Variants in PDE8B observed in about 807,000 individuals in gnomAD.
PDE8B encodes the protein phosphodiesterase 8B.
PDE8B carries 26 observed loss-of-function variants against 101.3 expected under a neutral mutation model. The ratio of observed to expected loss-of-function variants is 0.26; its 90% confidence interval spans 0.19 to 0.36. The LOEUF is 0.36. Ranked by LOEUF, PDE8B falls within the 10% of genes least tolerant of loss-of-function variation. The pLI is 1.00. For synonymous variants in PDE8B, 424 were observed against 429.3 expected (o/e 0.99, Z 0.15); for missense variants, 810 against 1,163.1 (o/e 0.70, Z 4.42).
the PDE8B span, among the ~76,000 whole-genome samples, chr5:77,172,099 A>G: frequency 3.3e-5 from 5 of 152,352 alleles, no homozygotes; most frequent in African/African-American, 1.2e-4. Context: ...TATTAAAAAA[A>G]GAAAGGGAGT....
At chr5:77,155,827 A>G in the PDE8B span, among the ~76,000 whole-genome samples, 2 of 152,228 alleles carry the variant, frequency 1.3e-5, no homozygotes, top group Non-Finnish European at 2.9e-5. Flanking sequence ...TTGCTATACC[A>G]CTAGGCTGGT....
chr5:77,192,004 C>T, the PDE8B span, among the ~76,000 whole-genome samples: 3 of 152,148 alleles, frequency 2.0e-5, no homozygotes, highest in Non-Finnish European at 4.4e-5. Flanking sequence ...AGGGTTCGCA[C>T]TTCTATGAGA....
chr5:77,375,800 A>G (rs111236146), intron 10 of PDE8B, among the ~76,000 whole-genome samples: 2,159 of 152,228 alleles, frequency 0.014, 29 homozygotes, highest in Non-Finnish European at 0.022. Context: ...CATATACTTT[A>G]AAAAAATTAT....
chr5:77,427,780 C>G lies in PDE8B; in HGVS notation c.*1226C>G, dbSNP rs1387643807. ...ACTCGAGATTTTCCTTTCTCTTTTA[C>G]CAGCTGATCCTTCCTATGTATTATA... On this transcript the variant is annotated 3_prime_UTR_variant, in exon 22 of 22. Transcript: ENST00000264917. 1 of 152,174 alleles carries G rather than the reference C, an allele frequency of 6.6e-6. No homozygotes were observed. The highest frequency in any genetic ancestry group is 1.5e-5 in the Non-Finnish European group (1 of 68,028). 9.4% of individuals were successfully genotyped at this position (152,174 alleles called of 1,614,324 possible). A position where few individuals can be genotyped will look rare whatever the true frequency, so the allele number is the denominator to read the frequency against.
intron 5 of PDE8B, among the ~76,000 whole-genome samples, chr5:77,334,511 T>C (rs777419619): frequency 1.3e-5 from 2 of 152,222 alleles, no homozygotes; most frequent in Non-Finnish European, 2.9e-5. Context: ...TCTGCCTCTG[T>C]GCAATGTGCT....
chr5:77,234,287 A>G (rs1754227537), intron 1 of PDE8B, among the ~76,000 whole-genome samples: 1 of 152,088 alleles, frequency 6.6e-6, no homozygotes, highest in Non-Finnish European at 1.5e-5. Context: ...TGTTGGTAAA[A>G]TGGCCCCCAG....
In PDE8B at chr5:77,423,644, T is replaced by G. The variant is rs936579166; in HGVS notation, c.2418+1656T>G. Among the ~76,000 whole-genome samples the G allele has an allele frequency of 3.9e-4, 50 of 126,594 alleles. 1 individual carries two copies. The highest frequency in any genetic ancestry group is 1.7e-3 in the Admixed American group (22 of 12,676). The allele number at this position is 126,594 out of a possible 152,430, so 83.1% of individuals were successfully genotyped here. On this transcript the variant is annotated intron_variant, in intron 20 of 21. Transcript: ENST00000264917. ...TTTGTTTTGTTTAGTTTTTTTTTTT[T>G]TTTTTTTTTTTTTTTGAGACAGTCT...
At chr5:77,236,031 C>A (rs1754612280) in intron 1 of PDE8B, among the ~76,000 whole-genome samples, 1 of 152,174 alleles carries the variant, frequency 6.6e-6, no homozygotes, top group South Asian at 2.1e-4. Context: ...GGCTGGCTGA[C>A]TGGACTCTTA....
the PDE8B span, among the ~76,000 whole-genome samples, chr5:77,184,737 T>C: frequency 6.6e-6 from 1 of 151,990 alleles, no homozygotes; most frequent in Non-Finnish European, 1.5e-5. Context: ...CCCAGCACTT[T>C]AGGGGGCTGA....
chr5:77,422,734 GACAA>G (rs3031840), intron 20 of PDE8B, among the ~76,000 whole-genome samples: 49,154 of 151,766 alleles, frequency 0.32, 8,205 homozygotes, highest in Non-Finnish European at 0.38. Context: ...GTGTGTGGGT[GACAA>G]ACAAGCAGCC....
At chr5:77,199,059 T>C in the PDE8B span, among the ~76,000 whole-genome samples, 1 of 152,212 alleles carries the variant, frequency 6.6e-6, no homozygotes. Context: ...CTCAGACCTT[T>C]CCAGGGGAGT....
At chr5:77,162,250 A>G in the PDE8B span, among the ~76,000 whole-genome samples, 1 of 152,158 alleles carries the variant, frequency 6.6e-6, no homozygotes, top group African/African-American at 2.4e-5. Flanking sequence ...CTGAAAATTT[A>G]TAAAATACTA....
the PDE8B span, among the ~76,000 whole-genome samples, chr5:77,164,311 G>A: frequency 6.6e-6 from 1 of 152,174 alleles, no homozygotes; most frequent in East Asian, 1.9e-4. Flanking sequence ...AGTAATGTGT[G>A]TGTTGTACCT....
chr5:77,257,495 T>G (rs892112179), intron 1 of PDE8B, among the ~76,000 whole-genome samples: 1 of 152,144 alleles, frequency 6.6e-6, no homozygotes, highest in African/African-American at 2.4e-5. Flanking sequence ...ATTTTATAAT[T>G]TAAAAAGAGG....
intron 1 of PDE8B, among the ~76,000 whole-genome samples, chr5:77,305,507 A>T (rs1770996827): frequency 6.6e-6 from 1 of 152,148 alleles, no homozygotes; most frequent in Non-Finnish European, 1.5e-5. Flanking sequence ...TGTGCTAAGC[A>T]CAGTTGGCAG....
At chr5:77,390,753 C>G (rs374014517) in intron 10 of PDE8B, among the ~76,000 whole-genome samples, 1 of 152,186 alleles carries the variant, frequency 6.6e-6, no homozygotes, top group African/African-American at 2.4e-5. Flanking sequence ...TTAACAAGCC[C>G]GGTCCTGGCA....
intron 10 of PDE8B, among the ~76,000 whole-genome samples, chr5:77,383,676 T>A (rs779556426): frequency 6.6e-6 from 1 of 152,160 alleles, no homozygotes; most frequent in African/African-American, 2.4e-5. Context: ...AAGGAAGGGG[T>A]CCAGTTTCAG....
the PDE8B span, chr5:77,098,819 G>A: frequency 3.3e-5 from 5 of 152,164 alleles, no homozygotes; most frequent in African/African-American, 1.2e-4. Context: ...GAGAGGGAGA[G>A]GGGGAGAGAG....
the PDE8B span, chr5:77,146,643 C>T: frequency 5.4e-5 from 15 of 278,504 alleles, no homozygotes; most frequent in African/African-American, 1.8e-4. Flanking sequence ...TGTCAGGAGG[C>T]GCATAAGAAG....
Sources: allele counts gnomAD v4.1 joint callset (sites outside exome capture counted in the v4.1 genomes callset), GRCh38; gene constraint gnomAD v4.1.1; transcripts MANE v1.5; gene names NCBI Gene and HGNC (gene_info 2026-07-23, HGNC 2026-07-21).